Variants in TNFRSF21 observed in about 807,000 individuals in gnomAD.
TNFRSF21 encodes the protein tumor necrosis factor receptor superfamily member 21.
Under a neutral mutation model 45.6 loss-of-function variants are expected in TNFRSF21, and 19 were observed. The observed-to-expected ratio is 0.42, with a 90% confidence interval of 0.29 to 0.61. The LOEUF (loss-of-function observed/expected upper bound fraction) is 0.61. Ranked by LOEUF, TNFRSF21 falls within the 20% of genes least tolerant of loss-of-function variation. The pLI, the probability that TNFRSF21 is intolerant of heterozygous loss-of-function variation, is 0.23. For synonymous variants in TNFRSF21, 314 were observed against 335.5 expected, an observed-to-expected ratio of 0.94 and a Z score of 0.70; for missense variants, 737 against 851.5, an observed-to-expected ratio of 0.87 and a Z score of 1.67.
intron 1 of TNFRSF21, among the ~76,000 whole-genome samples, chr6:47,288,573 TA>T (rs57310382): frequency 0.089 from 12,664 of 142,080 alleles, 735 homozygotes; most frequent in African/African-American, 0.18. Flanking sequence ...GAAACAAACA[TA>T]AAAAAAAAAA....
In TNFRSF21 at chr6:47,244,547, C is replaced by T. The variant is rs1043734865; in HGVS notation, c.1509+8709G>A. On this transcript the variant is annotated intron_variant, in intron 4 of 5. Transcript: ENST00000296861. ...GTTAAGTAGTTGCATTGTTCTTGTA[C>T]GGCTTCTGTGCTTTATGTTATTCTC... Among the ~76,000 whole-genome samples, 9 of 152,174 alleles carry T rather than the reference C, an allele frequency of 5.9e-5. No homozygotes were observed. In the East Asian group the frequency reaches 1.2e-3, roughly 20 times the overall value.
chr6:47,238,713 T>G (rs968593833), intron 4 of TNFRSF21, among the ~76,000 whole-genome samples: 3 of 152,336 alleles, frequency 2.0e-5, no homozygotes, highest in Admixed American at 6.5e-5. Context: ...ACAATTTTCC[T>G]TTCCGAGCAC....
chr6:47,264,017 G>A (rs1446990914), intron 3 of TNFRSF21, among the ~76,000 whole-genome samples: 2 of 152,142 alleles, frequency 1.3e-5, no homozygotes, highest in Non-Finnish European at 2.9e-5. Context: ...TACTCATGAA[G>A]AACATCAGCA....
intron 1 of TNFRSF21, among the ~76,000 whole-genome samples, chr6:47,295,887 A>AATGTGCTG (rs1762784180): frequency 1.3e-5 from 2 of 152,270 alleles, no homozygotes; most frequent in South Asian, 4.2e-4. Context: ...CCAAGGCTAG[A>AATGTGCTG]ATGTGCTGAC....
chr6:47,293,912 T>C (rs939908986), intron 1 of TNFRSF21, among the ~76,000 whole-genome samples: 4 of 152,232 alleles, frequency 2.6e-5, no homozygotes, highest in Non-Finnish European at 4.4e-5. Flanking sequence ...TTTACCCATT[T>C]TTCTGTTTAG....
chr6:47,233,099 C>G lies in TNFRSF21; in HGVS notation c.1739-105G>C, dbSNP rs756077624. On this transcript the variant is annotated intron_variant, in intron 5 of 5. Transcript: ENST00000296861. ...AGAGAGAGAGACATCTATGTCCCCC[C>G]CAGCCTATTATTCTCCATCCTCCAT... 5.2e-6 allele frequency: 5 copies of G among 969,830 alleles called. No homozygotes were observed. The East Asian group carries it at 7.6e-5, about 15-fold the overall frequency. The allele number at this position is 969,830 out of a possible 1,614,324, so 60.1% of individuals were successfully genotyped here.
At chr6:47,266,999 CA>C (rs1561944085) in intron 3 of TNFRSF21, among the ~76,000 whole-genome samples, 2 of 152,126 alleles carry the variant, frequency 1.3e-5, no homozygotes, top group East Asian at 3.8e-4. Context: ...CCCCACCCTA[CA>C]AGAGCAGACC....
chr6:47,256,204 A>G (rs140834212), intron 3 of TNFRSF21, among the ~76,000 whole-genome samples: 2 of 152,340 alleles, frequency 1.3e-5, no homozygotes, highest in East Asian at 3.9e-4. Context: ...ATCAGTTCCT[A>G]GTAGAAGGCT....
At chr6:47,273,580 C>A (rs776816769) in intron 3 of TNFRSF21, among the ~76,000 whole-genome samples, 1 of 152,154 alleles carries the variant, frequency 6.6e-6, no homozygotes. Flanking sequence ...AAACTGGAAA[C>A]TTTCCCTTTG....
chr6:47,264,268 C>T (rs897567810), intron 3 of TNFRSF21, among the ~76,000 whole-genome samples: 1 of 152,144 alleles, frequency 6.6e-6, no homozygotes, highest in Non-Finnish European at 1.5e-5. Context: ...TGGCTCACAC[C>T]TGTAATCCCA....
At chr6:47,272,740 G>A (rs7747927) in intron 3 of TNFRSF21, among the ~76,000 whole-genome samples, 48,754 of 151,890 alleles carry the variant, frequency 0.32, 7,975 homozygotes, top group Non-Finnish European at 0.35. Flanking sequence ...GGTTTTTTGA[G>A]AAGATCAATA....
intron 5 of TNFRSF21, among the ~76,000 whole-genome samples, chr6:47,234,455 C>A (rs1022056039): frequency 4.6e-5 from 7 of 152,180 alleles, no homozygotes; most frequent in Non-Finnish European, 7.3e-5. Context: ...CCGGGCAGTG[C>A]GAGCTGCAAA....
intron 3 of TNFRSF21, among the ~76,000 whole-genome samples, chr6:47,278,064 G>A (rs893521431): frequency 2.0e-5 from 3 of 152,258 alleles, no homozygotes; most frequent in South Asian, 4.1e-4. Context: ...GGGCTGATGT[G>A]TTTCACTTTG....
At chr6:47,235,737 G>C (rs1764657671) in intron 4 of TNFRSF21, among the ~76,000 whole-genome samples, 1 of 152,088 alleles carries the variant, frequency 6.6e-6, no homozygotes, top group Admixed American at 6.5e-5. Flanking sequence ...AACTAGCTCA[G>C]GAAAAAAACT....
chr6:47,259,246 ATGT>A (rs756589482), intron 3 of TNFRSF21, among the ~76,000 whole-genome samples: 2 of 152,228 alleles, frequency 1.3e-5, no homozygotes, highest in Non-Finnish European at 1.5e-5. Flanking sequence ...GACAGTAGCT[ATGT>A]GTTGAATTGA....
intron 3 of TNFRSF21, among the ~76,000 whole-genome samples, chr6:47,276,424 C>T (rs929537377): frequency 3.9e-5 from 6 of 152,150 alleles, no homozygotes; most frequent in Non-Finnish European, 7.4e-5. Context: ...AAACTGAGCT[C>T]GAACTGTTGA....
At chr6:47,278,598 G>A (rs555975029) in intron 3 of TNFRSF21, among the ~76,000 whole-genome samples, 1 of 152,140 alleles carries the variant, frequency 6.6e-6, no homozygotes, top group African/African-American at 2.4e-5. Context: ...AGGCACAGGG[G>A]ACATACAGTA....
chr6:47,268,910 A>G (rs183865027), intron 3 of TNFRSF21, among the ~76,000 whole-genome samples: 4 of 152,246 alleles, frequency 2.6e-5, no homozygotes, highest in African/African-American at 9.6e-5. Context: ...GGTTTTTGCA[A>G]TCGCCTGTGT....
chr6:47,295,956 A>C (rs1252844993), intron 1 of TNFRSF21, among the ~76,000 whole-genome samples: 1 of 152,202 alleles, frequency 6.6e-6, no homozygotes, highest in African/African-American at 2.4e-5. Context: ...GCCATGTGAG[A>C]CTTAACTCAG....
Sources: gnomAD v4.1 joint callset for allele counts (sites outside exome capture counted in the v4.1 genomes callset) on GRCh38, gnomAD v4.1.1 for gene constraint, MANE v1.5 for transcripts, NCBI Gene and HGNC (gene_info 2026-07-23, HGNC 2026-07-21) for gene names.